Variants in ATRX observed in about 807,000 individuals in gnomAD.
ATRX encodes ATRX chromatin remodeler, also known as chromatin remodeler ATRX.
ATRX carries 12 observed loss-of-function variants against 172.6 expected under a neutral mutation model. The ratio of observed to expected loss-of-function variants is 0.07; its 90% CI spans 0.04 to 0.11. The LOEUF (loss-of-function observed/expected upper bound fraction) is 0.11. Among genes scored for constraint, ATRX ranks in the 10% least tolerant of loss-of-function variants. The probability of loss-of-function intolerance (pLI) is 1.00; values close to 1 mark genes in which losing one functional copy is unlikely to be tolerated. For synonymous variants in ATRX, 674 were observed against 594.7 expected, an observed-to-expected ratio of 1.13 and a Z score of -1.94; for missense variants, 1,368 against 1,767.4, an observed-to-expected ratio of 0.77 and a Z score of 4.05.
intron 27 of ATRX, among the ~76,000 whole-genome samples, chrX:77,582,137 T>C (rs2065844360): frequency 9.0e-6 from 1 of 111,465 alleles, no homozygotes; most frequent in Non-Finnish European, 1.9e-5. Flanking sequence ...CGGTGGCTCA[T>C]GCCTGTAATG....
At chrX:77,583,245 G>A (rs782748150) in intron 27 of ATRX, among the ~76,000 whole-genome samples, 1 of 111,422 alleles carries the variant, frequency 9.0e-6, no homozygotes, top group Non-Finnish European at 1.9e-5. Flanking sequence ...TATGATCGCC[G>A]GGGTGTGGTG....
At chrX:77,687,152 CAAAAAAAAAAAAAA>C (rs146268162) in intron 7 of ATRX, among the ~76,000 whole-genome samples, 1 of 39,378 alleles carries the variant, frequency 2.5e-5, no homozygotes, top group Non-Finnish European at 4.2e-5. Flanking sequence ...GACTCCGTCT[CAAAAAAAAAAAAAA>C]AAAAAAAAAA....
intron 27 of ATRX, among the ~76,000 whole-genome samples, chrX:77,577,198 G>A (rs1049871752): frequency 2.0e-4 from 22 of 111,428 alleles, no homozygotes; most frequent in Admixed American, 1.1e-3. Flanking sequence ...ACACCACACT[G>A]TTTTCCACAG....
At chrX:77,582,765 G>T (rs782010624) in intron 27 of ATRX, among the ~76,000 whole-genome samples, 1 of 111,738 alleles carries the variant, frequency 8.9e-6, no homozygotes, top group African/African-American at 3.2e-5. Context: ...TAAATTTCTA[G>T]ACACACACAA....
chrX:77,598,215 A>G (rs1325520641), intron 25 of ATRX, among the ~76,000 whole-genome samples: 1 of 111,212 alleles, frequency 9.0e-6, no homozygotes, highest in Non-Finnish European at 1.9e-5. Flanking sequence ...GTTCTTACAT[A>G]TAAGTAAGAG....
At chrX:77,751,903 G>A (rs2075315736) in intron 1 of ATRX, among the ~76,000 whole-genome samples, 1 of 111,908 alleles carries the variant, frequency 8.9e-6, no homozygotes, top group Non-Finnish European at 1.9e-5. Flanking sequence ...GTACCATGCT[G>A]TTTTGGTTAC....
At chrX:77,740,522 T>C (rs2074812300) in intron 1 of ATRX, among the ~76,000 whole-genome samples, 1 of 110,718 alleles carries the variant, frequency 9.0e-6, no homozygotes, top group Non-Finnish European at 1.9e-5. Flanking sequence ...GCTCACACCA[T>C]TATCTACCAA....
chrX:77,582,305 C>T (rs975301112), intron 27 of ATRX, among the ~76,000 whole-genome samples: 6 of 108,057 alleles, frequency 5.6e-5, no homozygotes, highest in Non-Finnish European at 1.1e-4. Flanking sequence ...GAGGCTGAGG[C>T]GGAAGAATCA....
chrX:77,578,148 A>G (rs2065694869), intron 27 of ATRX, among the ~76,000 whole-genome samples: 1 of 111,822 alleles, frequency 8.9e-6, no homozygotes, highest in Admixed American at 9.5e-5. Flanking sequence ...CACAGTGATC[A>G]GAAGTTGAGT....
In ATRX at chrX:77,681,758, TTTA is replaced by T. The variant is rs1569538689; in HGVS notation, c.3495_3497del (p.Asn1165del). 3 of 1,201,467 alleles carry T rather than the reference TTTA, an allele frequency of 2.5e-6. No individual in the cohort carries two copies. The Admixed American group carries it at 6.9e-5, about 27-fold the overall frequency. ...TAGATGAAGTTCTTTGCTTCTTCTTTTTATTATCTTCAGAACTTTCCTCAGCAT... is the reference window on the plus strand; with the variant it reads ...TAGATGAAGTTCTTTGCTTCTTCTTTTTATCTTCAGAACTTTCCTCAGCAT... On this transcript the variant is annotated inframe_deletion, in exon 9 of 35. Coordinates refer to ENST00000373344, the MANE Select transcript of ATRX (RefSeq NM_000489.6).
At position 77,526,945 on chromosome X, in the gene ATRX, A is replaced by G. The variant is rs782647371; in HGVS notation, c.6700-3544T>C. ...TTTCCTTTTGACTTACAGTCAACTG[A>G]AATGCCAATGTAAGTCACAGGAAAA... On this transcript the variant is annotated intron_variant, in intron 30 of 34. Coordinates refer to ENST00000373344, the MANE Select transcript of ATRX (RefSeq NM_000489.6). Among the ~76,000 whole-genome samples, 11 of 112,668 alleles carry G rather than the reference A, an allele frequency of 9.8e-5. No individual in the cohort carries two copies. In the South Asian group the frequency reaches 4.0e-3, roughly 41 times the overall value.
chrX:77,670,241 T>C (rs1557128938), intron 10 of ATRX, among the ~76,000 whole-genome samples: 1 of 111,892 alleles, frequency 8.9e-6, no homozygotes, highest in Non-Finnish European at 1.9e-5. Flanking sequence ...AATATCATAA[T>C]AGAGTACTTA....
chrX:77,728,760 TTTTC>T (rs1242008828), intron 1 of ATRX, among the ~76,000 whole-genome samples: 22 of 47,785 alleles, frequency 4.6e-4, no homozygotes, highest in South Asian at 1.7e-3. Flanking sequence ...TTTTCTTTTC[TTTTC>T]TTTTTTTTTT....
chrX:77,676,706 CAAGT>C (rs1167713804), intron 9 of ATRX, among the ~76,000 whole-genome samples: 1 of 112,476 alleles, frequency 8.9e-6, no homozygotes, highest in Admixed American at 9.4e-5. Flanking sequence ...TTGGTAGTAG[CAAGT>C]AATTTTAAAA....
intron 34 of ATRX, among the ~76,000 whole-genome samples, chrX:77,511,838 A>G (rs781965218): frequency 8.9e-6 from 1 of 111,838 alleles, no homozygotes; most frequent in Non-Finnish European, 1.9e-5. Flanking sequence ...AATAGCCTCA[A>G]ATGGGCAAAT....
chrX:77,595,370 C>A (rs782495150), intron 25 of ATRX: 4 of 111,641 alleles, frequency 3.6e-5, no homozygotes, highest in Non-Finnish European at 7.5e-5. Context: ...GAATCACCAA[C>A]TCAGAATTAC....
chrX:77,605,863 G>A (rs1009717057), intron 22 of ATRX, among the ~76,000 whole-genome samples: 2 of 110,535 alleles, frequency 1.8e-5, no homozygotes, highest in Non-Finnish European at 1.9e-5. Flanking sequence ...GACTACTTAT[G>A]AAAAAAAAGA....
intron 2 of ATRX, among the ~76,000 whole-genome samples, chrX:77,711,844 C>T (rs782510439): frequency 2.7e-5 from 3 of 111,893 alleles, no homozygotes; most frequent in Non-Finnish European, 5.6e-5. Context: ...CAAAAAAAAC[C>T]AACCAACCAA....
intron 15 of ATRX, among the ~76,000 whole-genome samples, chrX:77,643,315 G>T (rs1181933972): frequency 9.1e-6 from 1 of 110,084 alleles, no homozygotes; most frequent in Non-Finnish European, 1.9e-5. Flanking sequence ...ACAGGCCTGG[G>T]GCAAGGCATT....
Sources: allele counts gnomAD v4.1 joint callset (sites outside exome capture counted in the v4.1 genomes callset), GRCh38; gene constraint gnomAD v4.1.1; transcripts MANE v1.5; gene names NCBI Gene and HGNC (gene_info 2026-07-23, HGNC 2026-07-21).